The following MRE11 variants were observed in gnomAD, a reference collection of about 807,000 sequenced individuals.
MRE11 encodes the protein MRE11 double strand break repair nuclease.
A neutral mutation model predicts 91.7 loss-of-function variants in MRE11; 62 were observed. That is an observed-to-expected ratio of 0.68 (90% CI 0.55 to 0.84). The LOEUF (loss-of-function observed/expected upper bound fraction) is 0.84, where lower values mean the gene tolerates loss of function less well. Among genes scored for constraint, MRE11 ranks in the 40% least tolerant of loss-of-function variants. The pLI is 0.00. For missense variants in MRE11, 796 were observed against 852.9 expected (o/e 0.93, Z 0.83); for synonymous variants, 273 against 271.4 (o/e 1.01, Z -0.06).
chr11:94,447,454 A>T lies in MRE11; in HGVS notation c.1564-16T>A. On this transcript the variant is annotated splice_polypyrimidine_tract_variant and intron_variant, in intron 14 of 19. Transcript: ENST00000323929. ...TGGTCATAGCCTAAGAGGGAGAAGAAGGAGAAAGTACACACAATGAGATAA... is the reference window on the plus strand; with the variant it reads ...TGGTCATAGCCTAAGAGGGAGAAGATGGAGAAAGTACACACAATGAGATAA... The T allele has an allele frequency of 6.2e-7, 1 of 1,610,368 alleles. No individual in the cohort carries two copies. Among genetic ancestry groups the T allele is most frequent in the Non-Finnish European group, 8.5e-7 (1 of 1,176,602 alleles).
chr11:94,503,873 T>C, the MRE11 span, among the ~76,000 whole-genome samples: 1 of 150,018 alleles, frequency 6.7e-6, no homozygotes, highest in African/African-American at 2.5e-5. Context: ...ACAACAGTAT[T>C]GAGACAGTGT....
At chr11:94,497,945 T>G (rs565040088), upstream of MRE11, 44 of 693,124 alleles carry the variant, frequency 6.3e-5, no homozygotes, top group Admixed American at 2.6e-4. Context: ...TATTTTCATT[T>G]TAAAGTCATC....
At chr11:94,447,142 C>T in intron 15 of MRE11, 77 bp downstream of exon 15, 1 of 1,386,860 alleles carries the variant, frequency 7.2e-7, no homozygotes, top group East Asian at 2.3e-5. Flanking sequence ...TATAATTCAA[C>T]TCTGACAAGA....
intron 14 of MRE11, among the ~76,000 whole-genome samples, chr11:94,448,130 A>T (rs1945992572): frequency 6.6e-6 from 1 of 152,162 alleles, no homozygotes; most frequent in Non-Finnish European, 1.5e-5. Flanking sequence ...AAAACTTACA[A>T]AAAATAGCCG....
At chr11:94,500,724 G>T in the MRE11 span, among the ~76,000 whole-genome samples, 1 of 152,052 alleles carries the variant, frequency 6.6e-6, no homozygotes, top group Non-Finnish European at 1.5e-5. Context: ...TCTTAAATAT[G>T]CTTTTCCAGG....
intron 14 of MRE11, among the ~76,000 whole-genome samples, chr11:94,450,702 G>A (rs1946076632): frequency 6.6e-6 from 1 of 152,020 alleles, no homozygotes; most frequent in South Asian, 2.1e-4. Context: ...ACATATGAGA[G>A]AGCTAAAGCA....
Position 94,415,719 on chromosome 11 carries a change from A to G in MRE11, c.*4406T>C, listed in dbSNP as rs1349688559. 6.6e-6 allele frequency: 1 copy of G among 152,222 alleles called. No individual in the cohort carries two copies. The highest frequency in any genetic ancestry group is 1.5e-5 in the Non-Finnish European group (1 of 68,042). 9.4% of individuals were successfully genotyped at this position (152,222 alleles called of 1,614,324 possible). A position where few individuals can be genotyped will look rare whatever the true frequency, so the allele number is the denominator to read the frequency against. Reference sequence around the variant, plus strand: ...AAGAGGTTGATAAAGCATATGTAGAAAAGTCAGAATGTCAAAATAAGTACC... The same window carrying G: ...AAGAGGTTGATAAAGCATATGTAGAGAAGTCAGAATGTCAAAATAAGTACC... On this transcript the variant is annotated 3_prime_UTR_variant, in exon 20 of 20. Transcript: ENST00000323929.
At chr11:94,496,607 TTGA>T, upstream of MRE11, 1 of 1,232,906 alleles carries the variant, frequency 8.1e-7, no homozygotes, top group Non-Finnish European at 1.1e-6. Context: ...TTTTCAGATC[TTGA>T]TGAACAAAGC....
intron 19 of MRE11, 87 bp downstream of exon 19, chr11:94,429,824 A>G (rs1296663980): frequency 1.2e-5 from 14 of 1,162,996 alleles, no homozygotes; most frequent in Non-Finnish European, 1.6e-5. Context: ...TATCAAAGAA[A>G]AAAAAGTTCA....
chr11:94,466,962 G>T (rs986924218), intron 10 of MRE11, among the ~76,000 whole-genome samples: 1 of 152,148 alleles, frequency 6.6e-6, no homozygotes, highest in Non-Finnish European at 1.5e-5. Flanking sequence ...TGAAAAGAGG[G>T]CTAACTATGA....
In MRE11 at chr11:94,492,909, A is replaced by C. The variant is rs1318632183; in HGVS notation, c.-105-3T>G. On this transcript the variant is annotated splice_region_variant and splice_polypyrimidine_tract_variant and intron_variant, in intron 1 of 19. Coordinates refer to ENST00000323929, the MANE Select transcript of MRE11 (RefSeq NM_005591.4). The stretch of plus-strand genomic sequence containing the variant: ...CTCGATTCCAAATTCTAGAAATTCT[A>C]AAAACAAAATTACATCATAAAACAC... The C allele has an allele frequency of 4.8e-6, 5 of 1,047,016 alleles. No individual in the cohort carries two copies. In the Admixed American group the frequency reaches 9.9e-5, roughly 21 times the overall value. The allele number at this position is 1,047,016 out of a possible 1,614,324, so 64.9% of individuals were successfully genotyped here.
chr11:94,494,217 A>C (rs1288402886), upstream of MRE11: 1 of 152,132 alleles, frequency 6.6e-6, no homozygotes, highest in Non-Finnish European at 1.5e-5. Context: ...GGAAGGCCGC[A>C]GGCGGAGCTC....
In MRE11 at chr11:94,471,771, T is replaced by C; in HGVS notation, c.660-12A>G. ...TTCCATGTTTACTCCTGTATCAAGA[T>C]TTTGAAAAATATAAATTCGGTGATT... is the stretch of plus-strand genomic sequence containing the variant. On this transcript the variant is annotated splice_polypyrimidine_tract_variant and intron_variant, in intron 7 of 19. Transcript: ENST00000323929. 6.2e-7 allele frequency: 1 copy of C among 1,601,824 alleles called. No individual in the cohort carries two copies. Among genetic ancestry groups the C allele is most frequent in the African/African-American group, 1.3e-5 (1 of 74,708 alleles).
the MRE11 span, among the ~76,000 whole-genome samples, chr11:94,501,933 T>C: frequency 3.3e-5 from 5 of 152,220 alleles, no homozygotes; most frequent in African/African-American, 7.2e-5. Context: ...ATATTGTTTT[T>C]TTAAAAAGCT....
Position 94,451,691 on chromosome 11 carries a change from A to G in MRE11, c.1564-4253T>C, listed in dbSNP as rs114725683. ...TATAACTCACTATATTAATGGAACA[A>G]AGAAAGAAAAAACCCAAATGTATAT... On this transcript the variant is annotated intron_variant, in intron 14 of 19. Transcript: ENST00000323929. 5.8e-3 allele frequency among the ~76,000 whole-genome samples: 884 copies of G among 152,328 alleles called. 5 individuals carry two copies. The highest frequency in any genetic ancestry group is 0.019 in the African/African-American group (802 of 41,578).
At chr11:94,470,115 C>T (rs1277924559) in intron 9 of MRE11, among the ~76,000 whole-genome samples, 1 of 152,012 alleles carries the variant, frequency 6.6e-6, no homozygotes, top group South Asian at 2.1e-4. Flanking sequence ...TTCTCACACA[C>T]GATAGTCTCC....
intron 15 of MRE11, among the ~76,000 whole-genome samples, chr11:94,446,373 C>T (rs984268541): frequency 6.6e-6 from 1 of 152,150 alleles, no homozygotes; most frequent in African/African-American, 2.4e-5. Flanking sequence ...CACCATTGCA[C>T]TCCAGCCTGG....
intron 4 of MRE11, among the ~76,000 whole-genome samples, chr11:94,485,251 C>CAA (rs920796994): frequency 1.6e-4 from 20 of 125,416 alleles, no homozygotes; most frequent in Non-Finnish European, 2.7e-4. Context: ...AAGACTCCAT[C>CAA]AAAAAAAAAA....
In MRE11 at chr11:94,453,109, A is replaced by G. The variant is rs189664156; in HGVS notation, c.1563+3167T>C. On this transcript the variant is annotated intron_variant, in intron 14 of 19. Coordinates refer to ENST00000323929, the MANE Select transcript of MRE11 (RefSeq NM_005591.4). ...GTCCTTTTGCAACTGTTTTTTTTTCACTCATAATGTTTTCAGAGTTTCATC... is the reference window on the plus strand; with the variant it reads ...GTCCTTTTGCAACTGTTTTTTTTTCGCTCATAATGTTTTCAGAGTTTCATC... Among the ~76,000 whole-genome samples the G allele has an allele frequency of 5.4e-3, 817 of 151,650 alleles. 2 individuals are homozygous for G. The highest frequency in any genetic ancestry group is 0.014 in the Middle Eastern group (4 of 294).
Sources: gnomAD v4.1 joint callset for allele counts (sites outside exome capture counted in the v4.1 genomes callset) on GRCh38, gnomAD v4.1.1 for gene constraint, MANE v1.5 for transcripts, NCBI Gene and HGNC (gene_info 2026-07-23, HGNC 2026-07-21) for gene names.